Variants in ATAD2 observed in about 807,000 individuals in gnomAD.
ATAD2 encodes ATPase family AAA domain-containing protein 2.
ATAD2 carries 62 observed loss-of-function variants against 168.9 expected under a neutral mutation model. The observed-to-expected ratio is 0.37, with a 90% CI of 0.30 to 0.45. ATAD2 has a LOEUF of 0.45. Ranked by LOEUF, ATAD2 falls within the 20% of genes least tolerant of loss-of-function variation. The pLI is 1.00. For synonymous variants in ATAD2, 613 were observed against 571.6 expected, an observed-to-expected ratio of 1.07 and a Z score of -1.03; for missense variants, 1,419 against 1,667.8, an observed-to-expected ratio of 0.85 and a Z score of 2.60.
At chr8:123,377,816 T>C (rs1198550454) in intron 2 of ATAD2, among the ~76,000 whole-genome samples, 1 of 152,230 alleles carries the variant, frequency 6.6e-6, no homozygotes, top group Non-Finnish European at 1.5e-5. Flanking sequence ...AGATGCATCA[T>C]TTATGTATTC....
chr8:123,369,954 A>C lies in ATAD2; in HGVS notation c.798T>G (p.Asp266Glu), dbSNP rs140021846. 6.5e-5 allele frequency: 103 copies of C among 1,578,922 alleles called. No homozygotes were observed. The highest frequency in any genetic ancestry group is 8.4e-5 in the Admixed American group (5 of 59,836). ...CATCATCATCATCATCGTCATCATC[A>C]TCATCATCTTCATCATCTTCATCTT... is the stretch of plus-strand genomic sequence containing the variant. ...DGEDEDDEDD[D>E]DDDDDDDDDD... The change falls in exon 7 of 28, where the codon GAT becomes GAG. Residue 266 changes from aspartate to glutamate, a missense_variant. By Grantham distance (45) the Asp-to-Glu change is conservative. Coordinates refer to ENST00000287394, the MANE Select transcript of ATAD2 (RefSeq NM_014109.4).
chr8:123,400,963 G>A (rs1375893372), upstream of ATAD2: 28 of 1,422,436 alleles, frequency 2.0e-5, no homozygotes, highest in Non-Finnish European at 2.3e-5. The surrounding 1 kb of genome is among the most constrained non-coding windows in gnomAD (Gnocchi z 4.5). Flanking sequence ...TGTGGGTGAT[G>A]TGCTGGAGGC....
chr8:123,361,701 G>A (rs747209017), intron 8 of ATAD2, 55 bp from the exon 9 acceptor site: 50 of 1,421,074 alleles, frequency 3.5e-5, no homozygotes, highest in Non-Finnish European at 4.2e-5. Flanking sequence ...AAAAAGAAAA[G>A]GCATAAGAAA....
chr8:123,328,130 T>G, intron 25 of ATAD2, 60 bp downstream of exon 25: 2 of 1,285,352 alleles, frequency 1.6e-6, no homozygotes, highest in Non-Finnish European at 2.0e-6. Context: ...CAATTAGGTG[T>G]TTAGAAACTT....
intron 9 of ATAD2, among the ~76,000 whole-genome samples, chr8:123,360,277 C>T (rs762346342): frequency 1.3e-5 from 2 of 152,166 alleles, no homozygotes; most frequent in Non-Finnish European, 2.9e-5. Context: ...CGCAGTCTAC[C>T]AGCATTTGGA....
At chr8:123,388,255 G>A (rs975930158) in intron 1 of ATAD2, among the ~76,000 whole-genome samples, 3 of 152,074 alleles carry the variant, frequency 2.0e-5, no homozygotes, top group Non-Finnish European at 1.5e-5. Flanking sequence ...GAGTACAGTG[G>A]CACAATCATG....
At chr8:123,327,872 A>G (rs1303516145) in intron 25 of ATAD2, among the ~76,000 whole-genome samples, 1 of 152,206 alleles carries the variant, frequency 6.6e-6, no homozygotes, top group Non-Finnish European at 1.5e-5. Context: ...AATCTTAAAA[A>G]TGCCTCATTA....
chr8:123,333,231 CAAAAA>C (rs71310667), intron 24 of ATAD2, among the ~76,000 whole-genome samples: 9 of 43,992 alleles, frequency 2.0e-4, no homozygotes, highest in African/African-American at 6.9e-4. Context: ...TCTAAAAATA[CAAAAA>C]AAAAAAAAAA....
In ATAD2 at chr8:123,328,190, C is replaced by T; in HGVS notation, c.3868G>A (p.Glu1290Lys). The T allele has an allele frequency of 7.3e-7, 1 of 1,364,642 alleles. No individual in the cohort carries two copies. The allele number at this position is 1,364,642 out of a possible 1,614,324, so 84.5% of individuals were successfully genotyped here. ...ATTATTTTAATTGAAAAAGACGTAC[C>T]TTTTCCTTCATTTTCATCAGAAATA... Reference protein sequence around the residue: ...IHISDENEGKEMCVLRMTRAR... With the variant: ...IHISDENEGKKMCVLRMTRAR... Residue 1290 changes from glutamate (E) to lysine (K), a missense_variant and splice_region_variant, in exon 25 of 28, where the codon GAA becomes AAA. Transcript: ENST00000287394.
intron 13 of ATAD2, among the ~76,000 whole-genome samples, chr8:123,354,864 A>AAAAAATATAT (rs1554644338): frequency 3.1e-5 from 2 of 64,714 alleles, no homozygotes; most frequent in African/African-American, 1.7e-4. Context: ...AAAAAAAAAA[A>AAAAAATATAT]ATATATATAT....
At chr8:123,371,865 G>A in intron 3 of ATAD2, 30 bp from the exon 4 acceptor site, 1 of 1,476,062 alleles carries the variant, frequency 6.8e-7, no homozygotes, top group Non-Finnish European at 9.0e-7. Flanking sequence ...AAAATAAATA[G>A]AAACATTTGA....
chr8:123,350,112 A>G (rs1403019659), intron 13 of ATAD2, among the ~76,000 whole-genome samples: 1 of 152,214 alleles, frequency 6.6e-6, no homozygotes, highest in Non-Finnish European at 1.5e-5. Flanking sequence ...CTGTATATAC[A>G]TTATCAAAGG....
chr8:123,396,381 G>A lies in ATAD2; in HGVS notation c.-24C>T, dbSNP rs542533131. On this transcript the variant is annotated 5_prime_UTR_variant, in exon 1 of 28. The change creates a new upstream start codon in the 5' untranslated region. Coordinates refer to ENST00000287394, the MANE Select transcript of ATAD2 (RefSeq NM_014109.4). ...ATCTTCTCTCCCTACTGGCCTCGGCGTGCGCGACCGGAGAGAGATCCAGCT... is the reference window on the plus strand; with the variant it reads ...ATCTTCTCTCCCTACTGGCCTCGGCATGCGCGACCGGAGAGAGATCCAGCT... 2 of 1,542,898 alleles carry A rather than the reference G, an allele frequency of 1.3e-6. No homozygotes were observed. The highest frequency in any genetic ancestry group is 1.2e-5 in the South Asian group (1 of 85,808).
intron 7 of ATAD2, 23 bp downstream of exon 7, chr8:123,369,798 G>A (rs747683020): frequency 6.4e-7 from 1 of 1,552,242 alleles, no homozygotes; most frequent in Non-Finnish European, 8.9e-7. Context: ...ACATCTCCTG[G>A]AAAGAGTATG....
chr8:123,383,126 A>G (rs943408556), intron 1 of ATAD2, among the ~76,000 whole-genome samples: 4 of 152,160 alleles, frequency 2.6e-5, no homozygotes, highest in Admixed American at 6.6e-5. Flanking sequence ...GTTCTCACTC[A>G]TAAGTGGGAG....
intron 13 of ATAD2, among the ~76,000 whole-genome samples, chr8:123,353,445 T>A (rs1251491429): frequency 6.6e-6 from 1 of 152,196 alleles, no homozygotes; most frequent in Non-Finnish European, 1.5e-5. Flanking sequence ...TGATTTTTTT[T>A]AGGTATTTGA....
chr8:123,360,683 G>A (rs898527546), intron 9 of ATAD2, among the ~76,000 whole-genome samples: 2 of 151,632 alleles, frequency 1.3e-5, no homozygotes, highest in African/African-American at 4.8e-5. Context: ...TTCTACTCTA[G>A]TCTCAGTGAC....
intron 26 of ATAD2, among the ~76,000 whole-genome samples, chr8:123,324,969 G>A (rs1489249021): frequency 6.6e-6 from 1 of 151,904 alleles, no homozygotes; most frequent in South Asian, 2.1e-4. Context: ...TAGCATTTTG[G>A]GAGGCTGAGG....
intron 1 of ATAD2, among the ~76,000 whole-genome samples, chr8:123,393,657 C>T (rs1363766084): frequency 6.6e-6 from 1 of 152,078 alleles, no homozygotes; most frequent in Non-Finnish European, 1.5e-5. Context: ...TGGTTCATGC[C>T]TGTAATCCCA....
Sources: gnomAD v4.1 joint callset for allele counts (sites outside exome capture counted in the v4.1 genomes callset) on GRCh38, gnomAD v4.1.1 for gene constraint, Gnocchi (gnomAD v3.1) non-coding constraint, MANE v1.5 for transcripts, NCBI Gene and HGNC (gene_info 2026-07-23, HGNC 2026-07-21) for gene names.